Variants in CDC42BPA observed in about 807,000 individuals in gnomAD.
CDC42BPA encodes the protein serine/threonine-protein kinase MRCK alpha.
CDC42BPA carries 80 observed loss-of-function variants against 223.5 expected under a neutral mutation model. The ratio of observed to expected loss-of-function variants is 0.36; its 90% CI spans 0.30 to 0.43. CDC42BPA has a LOEUF of 0.43. Among genes scored for constraint, CDC42BPA ranks in the 20% least tolerant of loss-of-function variants. The pLI, the probability that CDC42BPA is intolerant of heterozygous loss-of-function variation, is 1.00. For synonymous variants in CDC42BPA, 694 were observed against 718.6 expected (o/e 0.97, Z 0.55); for missense variants, 1,743 against 2,099.9 (o/e 0.83, Z 3.32).
chr1:227,246,471 C>T (rs1172007561), intron 2 of CDC42BPA, among the ~76,000 whole-genome samples: 2 of 152,152 alleles, frequency 1.3e-5, no homozygotes, highest in South Asian at 4.1e-4. Flanking sequence ...GTGATGGTGG[C>T]CACAGGGGTG....
At chr1:227,147,896 TA>T (rs35057127) in intron 6 of CDC42BPA, among the ~76,000 whole-genome samples, 83,081 of 146,644 alleles carry the variant, frequency 0.57, 23,354 homozygotes, top group South Asian at 0.66. Flanking sequence ...CCTATACGTG[TA>T]AAAAAAAAAA....
chr1:227,301,818 A>G (rs541932425), intron 1 of CDC42BPA, among the ~76,000 whole-genome samples: 1 of 152,214 alleles, frequency 6.6e-6, no homozygotes, highest in South Asian at 2.1e-4. Flanking sequence ...TTCCCTTTCC[A>G]TACCATCCTC....
intron 34 of CDC42BPA, among the ~76,000 whole-genome samples, chr1:227,013,211 A>T (rs1665549110): frequency 6.6e-6 from 1 of 152,252 alleles, no homozygotes; most frequent in South Asian, 2.1e-4. Context: ...TGAGAGGGCA[A>T]AAAGTCACTT....
intron 1 of CDC42BPA, among the ~76,000 whole-genome samples, chr1:227,260,966 T>C (rs1203250145): frequency 6.6e-6 from 1 of 151,020 alleles, no homozygotes; most frequent in Non-Finnish European, 1.5e-5. Context: ...ACTGTGACTA[T>C]ACATTAATGA....
chr1:227,066,305 G>A (rs1393470498), intron 21 of CDC42BPA, among the ~76,000 whole-genome samples: 1 of 151,912 alleles, frequency 6.6e-6, no homozygotes, highest in Non-Finnish European at 1.5e-5. Flanking sequence ...CAGGAGAATC[G>A]CTTGAACCTG....
chr1:227,001,137 G>A (rs535041454), intron 35 of CDC42BPA, among the ~76,000 whole-genome samples: 11 of 152,332 alleles, frequency 7.2e-5, no homozygotes, highest in African/African-American at 1.9e-4. Context: ...TCATGAAATC[G>A]TTGAGTCTGG....
At chr1:227,139,080 G>C (rs1659194350) in intron 10 of CDC42BPA, among the ~76,000 whole-genome samples, 1 of 152,246 alleles carries the variant, frequency 6.6e-6, no homozygotes, top group Middle Eastern at 3.4e-3. Flanking sequence ...ATTACCATAG[G>C]ATGGACTGGA....
At chr1:227,056,533 A>G (rs146752010) in intron 21 of CDC42BPA, among the ~76,000 whole-genome samples, 3,801 of 152,200 alleles carry the variant, frequency 0.025, 51 homozygotes, top group Middle Eastern at 0.041. Flanking sequence ...GAACACAGGC[A>G]TGTGCCACTA....
chr1:227,013,221 T>A (rs979431444), intron 34 of CDC42BPA, among the ~76,000 whole-genome samples: 1 of 152,094 alleles, frequency 6.6e-6, no homozygotes, highest in Admixed American at 6.6e-5. Flanking sequence ...AAAAGTCACT[T>A]GTGTTAATGC....
At chr1:227,121,237 A>T (rs910845950) in intron 11 of CDC42BPA, among the ~76,000 whole-genome samples, 4 of 152,238 alleles carry the variant, frequency 2.6e-5, no homozygotes, top group Non-Finnish European at 5.9e-5. Context: ...GAATCTATAC[A>T]GTATCCTCAA....
chr1:227,154,299 T>C (rs1193271752), intron 6 of CDC42BPA, among the ~76,000 whole-genome samples: 1 of 151,928 alleles, frequency 6.6e-6, no homozygotes, highest in Admixed American at 6.6e-5. Flanking sequence ...AAAAGCTAAC[T>C]GCAAACATTA....
chr1:227,152,480 C>T (rs184018472), intron 6 of CDC42BPA, among the ~76,000 whole-genome samples: 5 of 151,976 alleles, frequency 3.3e-5, no homozygotes, highest in South Asian at 4.2e-4. Context: ...GCAGAAAAAC[C>T]GATAAACTCT....
At position 227,273,857 on chromosome 1, in the gene CDC42BPA, G is replaced by GA. The variant is rs11295895; in HGVS notation, c.179-19703dup. ...AAAGGAAAAGAATGGAAGAAACAAG[G>GA]AAAAAAAAAAAAAAAACACAAATAA... is the stretch of plus-strand genomic sequence containing the variant. On this transcript the variant is annotated intron_variant, in intron 1 of 36. Coordinates refer to ENST00000366766, the MANE Select transcript of CDC42BPA (RefSeq NM_001394014.1). Among the ~76,000 whole-genome samples, 514 of 133,930 alleles carry GA rather than the reference G, an allele frequency of 3.8e-3. 2 individuals are homozygous for GA. Among genetic ancestry groups the GA allele is most frequent in the African/African-American group, 6.6e-3 (237 of 35,924 alleles). The allele number at this position is 133,930 out of a possible 152,430, so 87.9% of individuals were successfully genotyped here.
intron 1 of CDC42BPA, among the ~76,000 whole-genome samples, chr1:227,311,591 A>C (rs1693552619): frequency 6.6e-6 from 1 of 152,180 alleles, no homozygotes. Flanking sequence ...CAATCAATCA[A>C]AGTCAATGCC....
intron 21 of CDC42BPA, among the ~76,000 whole-genome samples, chr1:227,064,386 T>C (rs1056994459): frequency 1.3e-5 from 2 of 152,232 alleles, no homozygotes; most frequent in African/African-American, 2.4e-5. Flanking sequence ...ATTTATATGA[T>C]TGTAATTAGT....
chr1:227,197,846 T>G (rs1012274698), intron 4 of CDC42BPA, among the ~76,000 whole-genome samples: 1 of 152,144 alleles, frequency 6.6e-6, no homozygotes. Context: ...TTTAATTTGT[T>G]CTTACAAATG....
intron 15 of CDC42BPA, among the ~76,000 whole-genome samples, chr1:227,093,135 T>A (rs965502028): frequency 6.6e-6 from 1 of 152,232 alleles, no homozygotes; most frequent in African/African-American, 2.4e-5. Flanking sequence ...GAACAGTTCC[T>A]CAGTCTTCCC....
chr1:227,273,995 CAAAAAA>C (rs10599884), intron 1 of CDC42BPA, among the ~76,000 whole-genome samples: 62 of 57,008 alleles, frequency 1.1e-3, no homozygotes, highest in Non-Finnish European at 1.5e-3. Flanking sequence ...TCGTATACAC[CAAAAAA>C]AAAAAAAAAA....
At chr1:227,193,581 T>C in intron 5 of CDC42BPA, 1 of 521,248 alleles carries the variant, frequency 1.9e-6, no homozygotes, top group Non-Finnish European at 3.4e-6. Context: ...TGTACATGTA[T>C]GTATAAGCAG....
Sources: allele counts gnomAD v4.1 joint callset (sites outside exome capture counted in the v4.1 genomes callset), GRCh38; gene constraint gnomAD v4.1.1; transcripts MANE v1.5; gene names NCBI Gene and HGNC (gene_info 2026-07-23, HGNC 2026-07-21).